DLC1: variants seen among roughly 807,000 people sequenced by gnomAD.
The protein encoded by DLC1 is rho GTPase-activating protein 7.
In DLC1, 54 loss-of-function variants were observed where a neutral mutation model predicts 140.3. The ratio of observed to expected loss-of-function variants is 0.38; its 90% CI spans 0.31 to 0.48. DLC1 has a LOEUF of 0.48. Among genes scored for constraint, DLC1 ranks in the 20% least tolerant of loss-of-function variants. The pLI, the probability that DLC1 is intolerant of heterozygous loss-of-function variation, is 0.96. For synonymous variants in DLC1, 986 were observed against 728.1 expected, an observed-to-expected ratio of 1.35 and a Z score of -5.70; for missense variants, 2,536 against 1,907.0, an observed-to-expected ratio of 1.33 and a Z score of -6.14.
chr8:13,270,304 A>G (rs1251202301), intron 5 of DLC1, among the ~76,000 whole-genome samples: 1 of 152,160 alleles, frequency 6.6e-6, no homozygotes, highest in African/African-American at 2.4e-5. Context: ...CAGACTGTGC[A>G]TGCACACTAC....
chr8:13,574,159 C>G (rs549937077), intron 1 of DLC1, among the ~76,000 whole-genome samples: 111 of 152,226 alleles, frequency 7.3e-4, no homozygotes, highest in Non-Finnish European at 1.2e-3. Context: ...GTTGCATTTC[C>G]TTTCAGCATG....
chr8:13,419,707 T>A (rs1280887703), intron 2 of DLC1, among the ~76,000 whole-genome samples: 1 of 152,150 alleles, frequency 6.6e-6, no homozygotes, highest in African/African-American at 2.4e-5. Context: ...AGCTTTGGTA[T>A]TAGGATGATG....
chr8:13,114,277 G>C (rs1820358698), intron 6 of DLC1, among the ~76,000 whole-genome samples: 1 of 152,168 alleles, frequency 6.6e-6, no homozygotes, highest in African/African-American at 2.4e-5. Flanking sequence ...CAGGTGAATC[G>C]CTTGAACCCG....
At chr8:13,526,688 C>T (rs145317758) in intron 1 of DLC1, among the ~76,000 whole-genome samples, 3 of 151,864 alleles carry the variant, frequency 2.0e-5, no homozygotes, top group Non-Finnish European at 2.9e-5. Flanking sequence ...AGCCAAACAC[C>T]GCATGTTCTC....
At chr8:13,467,895 A>T (rs1441158007) in intron 2 of DLC1, among the ~76,000 whole-genome samples, 1 of 152,206 alleles carries the variant, frequency 6.6e-6, no homozygotes, top group Non-Finnish European at 1.5e-5. Flanking sequence ...CATTCCATTT[A>T]TTCCTGGGAT....
At position 13,090,379 on chromosome 8, in the gene DLC1, T is replaced by C. The variant is rs146094242; in HGVS notation, c.3947A>G (p.Asp1316Gly). 8.1e-6 allele frequency: 13 copies of C among 1,614,218 alleles called. No individual in the cohort carries two copies. The highest frequency in any genetic ancestry group is 1.6e-4 in the Middle Eastern group (1 of 6,062). The change falls in exon 15 of 18, where the codon GAT (aspartate) becomes GGT (glycine). Residue 1316 changes from aspartate to glycine, a missense_variant. Transcript: ENST00000276297. ...GAAGTGTTGGTAGTCAGCTGAGTCA[T>C]CATTACCCAGGTGCCCGAGTGCTTC... is the stretch of plus-strand genomic sequence containing the variant. ...TLEALGHLGN[D>G]DSADYQHFLQ...
intron 3 of DLC1, among the ~76,000 whole-genome samples, chr8:13,400,397 A>G (rs1837241533): frequency 1.3e-5 from 2 of 152,204 alleles, no homozygotes; most frequent in Admixed American, 1.3e-4. Flanking sequence ...AAATAACTTG[A>G]TGTTCCCAGA....
chr8:13,577,382 A>C (rs1224483197), intron 1 of DLC1, among the ~76,000 whole-genome samples: 1 of 152,166 alleles, frequency 6.6e-6, no homozygotes, highest in Non-Finnish European at 1.5e-5. Flanking sequence ...GTTTTAGAGT[A>C]ATGGGTTATA....
chr8:13,122,925 T>C (rs995581739), intron 5 of DLC1, among the ~76,000 whole-genome samples: 3 of 152,300 alleles, frequency 2.0e-5, no homozygotes, highest in Non-Finnish European at 4.4e-5. Context: ...AGTACAGTCC[T>C]ATGTTTAGCT....
intron 4 of DLC1, chr8:13,342,418 G>A (rs1003343058): frequency 6.6e-6 from 1 of 152,210 alleles, no homozygotes; most frequent in Admixed American, 6.5e-5. Context: ...GTGCACAGTT[G>A]TTTGACCAGT....
intron 4 of DLC1, among the ~76,000 whole-genome samples, chr8:13,345,292 T>A (rs779224821): frequency 4.9e-4 from 74 of 152,106 alleles, no homozygotes; most frequent in Non-Finnish European, 8.5e-4. Context: ...GTTATTGTAA[T>A]AACAAGCAAC....
At chr8:13,312,267 A>G (rs375505064) in intron 4 of DLC1, among the ~76,000 whole-genome samples, 1 of 127,628 alleles carries the variant, frequency 7.8e-6, no homozygotes, top group Admixed American at 8.7e-5. Flanking sequence ...AGGCTGAGGC[A>G]GGAGAATGGC....
intron 5 of DLC1, among the ~76,000 whole-genome samples, chr8:13,273,636 G>A (rs1290516408): frequency 6.8e-6 from 1 of 147,210 alleles, no homozygotes; most frequent in Non-Finnish European, 1.5e-5. Context: ...ACAAGGAGAT[G>A]TAAATGATGC....
intron 4 of DLC1, among the ~76,000 whole-genome samples, chr8:13,356,444 T>C (rs1834946203): frequency 6.6e-6 from 1 of 152,338 alleles, no homozygotes; most frequent in African/African-American, 2.4e-5. Context: ...TCCTATTCCA[T>C]GTATTTTTTA....
At position 13,115,617 on chromosome 8, in the gene DLC1, A is replaced by G; in HGVS notation, c.1389T>C (p.Thr463=). Residue 463 remains threonine, a synonymous_variant, in exon 6 of 18, where the codon ACT becomes ACC. Transcript: ENST00000276297. ...AKEACDWLRA[T]GFPQYAQLYE... ...AAAGCTGTGCATACTGGGGGAAACC[A>G]GTTGCCCGTAGCCAATCACAAGCTT... 1 of 1,614,144 alleles carries G rather than the reference A, an allele frequency of 6.2e-7. No individual in the cohort carries two copies. Among genetic ancestry groups the G allele is most frequent in the Non-Finnish European group, 8.5e-7 (1 of 1,180,000 alleles).
At chr8:13,346,315 C>T (rs1834336963) in intron 4 of DLC1, among the ~76,000 whole-genome samples, 1 of 152,198 alleles carries the variant, frequency 6.6e-6, no homozygotes, top group Non-Finnish European at 1.5e-5. Context: ...TATTTCAAGT[C>T]TGCTAATTTG....
intron 3 of DLC1, among the ~76,000 whole-genome samples, chr8:13,397,805 C>G (rs939160919): frequency 6.6e-6 from 1 of 151,750 alleles, no homozygotes; most frequent in African/African-American, 2.4e-5. Context: ...TGCACTCCAG[C>G]CTGAGCAACA....
At chr8:13,578,636 T>C (rs533689376) in intron 1 of DLC1, among the ~76,000 whole-genome samples, 1 of 152,258 alleles carries the variant, frequency 6.6e-6, no homozygotes, top group South Asian at 2.1e-4. Flanking sequence ...TTCAATTAAT[T>C]TGTTAGAGCA....
intron 2 of DLC1, among the ~76,000 whole-genome samples, chr8:13,447,473 C>T (rs1014360630): frequency 6.6e-6 from 1 of 152,086 alleles, no homozygotes; most frequent in Non-Finnish European, 1.5e-5. Context: ...TGTTATTAAC[C>T]AGATTCACTC....
Sources: allele counts gnomAD v4.1 joint callset (sites outside exome capture counted in the v4.1 genomes callset), GRCh38; gene constraint gnomAD v4.1.1; transcripts MANE v1.5; gene names NCBI Gene and HGNC (gene_info 2026-07-23, HGNC 2026-07-21).